GLP2R: variants seen among roughly 807,000 people sequenced by gnomAD.
The protein encoded by GLP2R is glucagon-like peptide 2 receptor.
GLP2R carries 59 observed loss-of-function variants against 68.2 expected under a neutral mutation model. The ratio of observed to expected loss-of-function variants is 0.87; its 90% confidence interval spans 0.70 to 1.07. The LOEUF is 1.07. Among genes scored for constraint, GLP2R ranks in the 50% least tolerant of loss-of-function variants. The probability of loss-of-function intolerance (pLI) is 0.00; values close to 1 mark genes in which losing one functional copy is unlikely to be tolerated. For missense variants in GLP2R, 548 were observed against 677.4 expected, an observed-to-expected ratio of 0.81 and a Z score of 2.12; for synonymous variants, 270 against 265.4, an observed-to-expected ratio of 1.02 and a Z score of -0.17.
intron 6 of GLP2R, among the ~76,000 whole-genome samples, chr17:9,859,197 G>C (rs1464936274): frequency 6.6e-6 from 1 of 151,926 alleles, no homozygotes; most frequent in African/African-American, 2.4e-5. Flanking sequence ...TTTCTAATTT[G>C]TTTCAATTTT....
chr17:9,870,491 T>C (rs1407573966), intron 9 of GLP2R, among the ~76,000 whole-genome samples: 1 of 152,184 alleles, frequency 6.6e-6, no homozygotes, highest in African/African-American at 2.4e-5. Context: ...CTTTCTGAAA[T>C]TCCTTCCAGA....
In GLP2R at chr17:9,889,652, G is replaced by C. The variant is rs773040509; in HGVS notation, c.1609G>C (p.Asp537His). The C allele has an allele frequency of 5.6e-6, 9 of 1,608,848 alleles. No homozygotes were observed. In the Middle Eastern group the frequency reaches 8.4e-4, roughly 151 times the overall value. The change falls in exon 13 of 13, where the codon GAT becomes CAT. Residue 537 changes from aspartate (D) to histidine (H), a missense_variant. Asp to His is a moderately conservative substitution (Grantham distance 81, BLOSUM62 -1). Coordinates refer to ENST00000262441, the MANE Select transcript of GLP2R (RefSeq NM_004246.3). Reference protein sequence around the residue: ...GSSLSECSEGDVTMANTMEEI... With the variant: ...GSSLSECSEGHVTMANTMEEI... ...CAGCCTGTCCGAGTGCAGTGAGGGGGATGTCACCATGGCCAACACCATGGA... is the reference window on the plus strand; with the variant it reads ...CAGCCTGTCCGAGTGCAGTGAGGGGCATGTCACCATGGCCAACACCATGGA...
chr17:9,854,918 T>A (rs921473653), intron 5 of GLP2R, among the ~76,000 whole-genome samples: 1 of 152,190 alleles, frequency 6.6e-6, no homozygotes, highest in Non-Finnish European at 1.5e-5. Flanking sequence ...TCTCTAAATA[T>A]CATTACACTA....
chr17:9,851,773 A>T lies in GLP2R; in HGVS notation c.505-2722A>T, dbSNP rs536183988. Among the ~76,000 whole-genome samples, 4 of 152,318 alleles carry T rather than the reference A, an allele frequency of 2.6e-5. No homozygotes were observed. The East Asian group carries it at 7.7e-4, about 29-fold the overall frequency. On this transcript the variant is annotated intron_variant, in intron 4 of 12. Transcript: ENST00000262441. ...CTAGAAATAGTACATATAAAGGTAAATTTTTATCTCATTTAAAAAATGTTC... is the reference window on the plus strand; with the variant it reads ...CTAGAAATAGTACATATAAAGGTAATTTTTTATCTCATTTAAAAAATGTTC...
rs529245232 is a variant in GLP2R, at chr17:9,839,876, C to T, written c.383-2619C>T. 9.2e-5 allele frequency among the ~76,000 whole-genome samples: 14 copies of T among 152,278 alleles called. No homozygotes were observed. The South Asian group carries it at 1.7e-3, about 18-fold the overall frequency. ...ACAGGCTCTGGCCATGCTCCTCTGC[C>T]TATAAAGCCCCTTGTAATTCTCAGC... On this transcript the variant is annotated intron_variant, in intron 3 of 12. Coordinates refer to ENST00000262441, the MANE Select transcript of GLP2R (RefSeq NM_004246.3).
intron 9 of GLP2R, chr17:9,866,105 A>G: frequency 3.0e-6 from 1 of 335,536 alleles, no homozygotes; most frequent in Non-Finnish European, 5.8e-6. Flanking sequence ...GTGTCCCACC[A>G]GACATGGAAG....
At chr17:9,836,913 G>A (rs1431529451) in intron 3 of GLP2R, among the ~76,000 whole-genome samples, 3 of 151,872 alleles carry the variant, frequency 2.0e-5, no homozygotes, top group East Asian at 3.9e-4. Context: ...GTGGTGGCGC[G>A]ATCTCAGCTC....
Position 9,826,094 on chromosome 17 carries a change from G to A in GLP2R, c.31G>A (p.Gly11Arg). 1.9e-6 allele frequency: 3 copies of A among 1,612,950 alleles called. No homozygotes were observed. The highest frequency in any genetic ancestry group is 2.5e-6 in the Non-Finnish European group (3 of 1,179,632). The change falls in exon 1 of 13, where the codon GGG becomes AGG. Residue 11 changes from glycine to arginine, a missense_variant. By Grantham distance (125) the Gly-to-Arg change is moderately radical. Transcript: ENST00000262441. Reference protein sequence around the residue: MKLGSSRAGPGRGSAGLLPGV... With the variant: MKLGSSRAGPRRGSAGLLPGV... Reference sequence around the variant, plus strand: ...GCTGGGATCGAGCAGGGCAGGGCCTGGGAGAGGAAGCGCGGGACTCCTGCC... The same window carrying A: ...GCTGGGATCGAGCAGGGCAGGGCCTAGGAGAGGAAGCGCGGGACTCCTGCC...
At chr17:9,853,864 A>C (rs1354953629) in intron 4 of GLP2R, among the ~76,000 whole-genome samples, 1 of 152,222 alleles carries the variant, frequency 6.6e-6, no homozygotes, top group Non-Finnish European at 1.5e-5. Flanking sequence ...CAACTCAGCT[A>C]TGTGGCCAAG....
intron 9 of GLP2R, among the ~76,000 whole-genome samples, chr17:9,863,587 C>T (rs1459009253): frequency 2.0e-5 from 3 of 152,188 alleles, no homozygotes; most frequent in Admixed American, 6.5e-5. Flanking sequence ...CACCTTAGTA[C>T]CTTGGTTCAG....
intron 6 of GLP2R, among the ~76,000 whole-genome samples, 158 bp from the exon 7 acceptor site, chr17:9,859,784 G>A (rs1408764638): frequency 1.6e-5 from 2 of 124,568 alleles, no homozygotes; most frequent in South Asian, 2.6e-4. Flanking sequence ...TTGCACCTCT[G>A]CACTCCATCC....
intron 6 of GLP2R, among the ~76,000 whole-genome samples, chr17:9,859,608 T>C (rs1015713454): frequency 1.4e-5 from 2 of 148,066 alleles, no homozygotes; most frequent in Non-Finnish European, 3.0e-5. Flanking sequence ...CTGGCCAACA[T>C]GGTGAAACCC....
chr17:9,842,379 C>T, intron 3 of GLP2R, 116 bp from the exon 4 acceptor site: 1 of 1,267,530 alleles, frequency 7.9e-7, no homozygotes, highest in South Asian at 1.4e-5. Flanking sequence ...GTTAATGAGC[C>T]CCCAAAAGGG....
At chr17:9,887,865 T>C in intron 11 of GLP2R, 67 bp from the exon 12 acceptor site, 1 of 1,155,510 alleles carries the variant, frequency 8.7e-7, no homozygotes, top group Non-Finnish European at 1.3e-6. Context: ...CTTTGGACGT[T>C]GCCAGTAACT....
chr17:9,857,653 G>C (rs964995797), intron 6 of GLP2R, 77 bp downstream of exon 6: 1 of 1,419,916 alleles, frequency 7.0e-7, no homozygotes, highest in Non-Finnish European at 9.9e-7. Context: ...GCAGGCAGGT[G>C]GGACTAGGGA....
chr17:9,832,160 A>G (rs2066685974), intron 1 of GLP2R, among the ~76,000 whole-genome samples: 1 of 152,188 alleles, frequency 6.6e-6, no homozygotes, highest in South Asian at 2.1e-4. Context: ...AAAGAAGCCC[A>G]GGTATAGTGG....
intron 4 of GLP2R, among the ~76,000 whole-genome samples, chr17:9,847,610 C>T (rs2066853190): frequency 6.6e-6 from 1 of 152,046 alleles, no homozygotes; most frequent in East Asian, 1.9e-4. Context: ...CAACTGGTTC[C>T]CTGAAAATTT....
chr17:9,830,631 A>T (rs2066671958), intron 1 of GLP2R, among the ~76,000 whole-genome samples: 1 of 152,210 alleles, frequency 6.6e-6, no homozygotes, highest in Admixed American at 6.5e-5. Context: ...CCAGGGCACC[A>T]CTGTGAACTC....
intron 1 of GLP2R, among the ~76,000 whole-genome samples, chr17:9,829,245 A>C (rs1034185745): frequency 7.9e-5 from 12 of 152,192 alleles, no homozygotes; most frequent in Non-Finnish European, 1.8e-4. Context: ...AAACTATCTA[A>C]GGATTTTTGA....
Sources: gnomAD v4.1 joint callset for allele counts (sites outside exome capture counted in the v4.1 genomes callset) on GRCh38, gnomAD v4.1.1 for gene constraint, MANE v1.5 for transcripts, NCBI Gene and HGNC (gene_info 2026-07-23, HGNC 2026-07-21) for gene names.